Variants in POFUT4 observed in about 807,000 individuals in gnomAD.
The protein encoded by POFUT4 is GDP-fucose protein O-fucosyltransferase 4.
chr10:73,772,720 GTCGGCCGCCCCGCT>G, the POFUT4 span: 3 of 1,588,400 alleles, frequency 1.9e-6, no homozygotes, highest in African/African-American at 4.1e-5. Flanking sequence ...ACTTCCGCGC[GTCGGCCGCCCCGCT>G]GCCGCGCCTG....
chr10:73,779,980 G>GGAAA, the POFUT4 span: 1 of 152,150 alleles, frequency 6.6e-6, no homozygotes. Context: ...TTTCCACAAG[G>GGAAA]GAAAGTAGAA....
At chr10:73,772,786 C>G in the POFUT4 span, 4 of 1,611,052 alleles carry the variant, frequency 2.5e-6, no homozygotes, top group Admixed American at 6.7e-5. Context: ...AGTCGCCCCT[C>G]AACAACTTCT....
At chr10:73,772,412 G>C in the POFUT4 span, 1 of 1,571,904 alleles carries the variant, frequency 6.4e-7, no homozygotes, top group Non-Finnish European at 8.6e-7. Context: ...CCATGGGTCC[G>C]TAGCGGAGAG....
chr10:73,772,316 C>A, the POFUT4 span: 59 of 1,422,464 alleles, frequency 4.1e-5, no homozygotes, highest in South Asian at 9.0e-4. Context: ...CGAGGGGGCG[C>A]CGGCTGCCGG....
the POFUT4 span, chr10:73,772,712 T>G: frequency 1.9e-6 from 3 of 1,585,222 alleles, no homozygotes; most frequent in Non-Finnish European, 2.6e-6. Context: ...CGGCACAGAC[T>G]TCCGCGCGTC....
chr10:73,772,290 C>T, the POFUT4 span: 9 of 1,370,976 alleles, frequency 6.6e-6, no homozygotes, highest in South Asian at 1.7e-5. Flanking sequence ...ATCCGCTGGG[C>T]GGGGTCGGTG....
chr10:73,772,716 GCGCGTCGGCCGCCCCGCTGC>G, the POFUT4 span: 2 of 1,586,300 alleles, frequency 1.3e-6, no homozygotes, highest in Non-Finnish European at 1.7e-6. Flanking sequence ...ACAGACTTCC[GCGCGTCGGCCGCCCCGCTGC>G]CGCGCCTGGC....
chr10:73,772,318 G>C, the POFUT4 span: 2 of 1,425,686 alleles, frequency 1.4e-6, no homozygotes, highest in South Asian at 3.1e-5. Flanking sequence ...AGGGGGCGCC[G>C]GCTGCCGGAG....
the POFUT4 span, among the ~76,000 whole-genome samples, chr10:73,777,616 G>A: frequency 1.4e-4 from 21 of 150,890 alleles, no homozygotes; most frequent in Non-Finnish European, 2.4e-4. Context: ...GTGCAGTGGC[G>A]CGATCTCAGC....
At chr10:73,775,226 T>A in the POFUT4 span, 1 of 604,192 alleles carries the variant, frequency 1.7e-6, no homozygotes, top group Non-Finnish European at 2.9e-6. Flanking sequence ...TTGCTTTCCT[T>A]ATGGAGACTG....
chr10:73,772,609 C>T, the POFUT4 span: 6 of 1,565,766 alleles, frequency 3.8e-6, no homozygotes, highest in Non-Finnish European at 4.3e-6. Context: ...TCCCGGGAGA[C>T]TCGGAGCGCA....
At chr10:73,779,755 G>T in the POFUT4 span, 1 of 152,168 alleles carries the variant, frequency 6.6e-6, no homozygotes, top group Admixed American at 6.6e-5. Flanking sequence ...TTAAGTGATG[G>T]TTAAGCAAGG....
the POFUT4 span, chr10:73,774,557 T>C: frequency 6.6e-6 from 1 of 152,054 alleles, no homozygotes; most frequent in African/African-American, 2.4e-5. Context: ...ACTAAAAGCC[T>C]GGGGTGGTGG....
chr10:73,772,637 G>T, the POFUT4 span: 1 of 1,555,274 alleles, frequency 6.4e-7, no homozygotes, highest in Non-Finnish European at 8.7e-7. Flanking sequence ...TGCGCGCGGC[G>T]CGTGCGTGGC....
the POFUT4 span, chr10:73,772,800 T>C: frequency 6.2e-7 from 1 of 1,611,614 alleles, no homozygotes; most frequent in Non-Finnish European, 8.5e-7. Flanking sequence ...AACTTCTTGC[T>C]GAGCCACGGC....
At chr10:73,772,966 G>A in the POFUT4 span, 1 of 1,604,350 alleles carries the variant, frequency 6.2e-7, no homozygotes. Context: ...ACGCGCCGCT[G>A]CTCTATCTGC....
At chr10:73,772,627 TGCGCGCGGCGC>T in the POFUT4 span, 25 of 1,559,030 alleles carry the variant, frequency 1.6e-5, no homozygotes, top group Non-Finnish European at 2.1e-5. Flanking sequence ...GCATCGAGTG[TGCGCGCGGCGC>T]GTGCGTGGCG....
At chr10:73,776,231 C>G in the POFUT4 span, 4 of 151,938 alleles carry the variant, frequency 2.6e-5, no homozygotes, top group East Asian at 1.9e-4. Context: ...TTCTATTTTA[C>G]TTATTTATTT....
At chr10:73,772,648 G>A in the POFUT4 span, 5 of 1,555,658 alleles carry the variant, frequency 3.2e-6, no homozygotes, top group African/African-American at 1.4e-5. Flanking sequence ...CGTGCGTGGC[G>A]TCCCGGAACC....
Sources: gnomAD v4.1 joint callset for allele counts (sites outside exome capture counted in the v4.1 genomes callset) on GRCh38, gnomAD v4.1.1 for gene constraint, MANE v1.5 for transcripts, NCBI Gene and HGNC (gene_info 2026-07-23, HGNC 2026-07-21) for gene names.